Variants in CCDC81 observed in about 807,000 individuals in gnomAD.
CCDC81 encodes the protein coiled-coil domain-containing protein 81.
CCDC81 carries 79 observed loss-of-function variants against 83.7 expected under a neutral mutation model. That is an observed-to-expected ratio of 0.94 (90% CI 0.79 to 1.14). CCDC81 has a LOEUF of 1.14. Among genes scored for constraint, CCDC81 ranks in the 50% most tolerant of loss-of-function variants. The probability of loss-of-function intolerance (pLI) is 0.00; values close to 1 mark genes in which losing one functional copy is unlikely to be tolerated. For missense variants in CCDC81, 791 were observed against 778.1 expected, an observed-to-expected ratio of 1.02 and a Z score of -0.20; for synonymous variants, 252 against 278.1, an observed-to-expected ratio of 0.91 and a Z score of 0.93.
intron 7 of CCDC81, among the ~76,000 whole-genome samples, chr11:86,406,688 C>T (rs2138528671): frequency 6.6e-6 from 1 of 152,094 alleles, no homozygotes; most frequent in Non-Finnish European, 1.5e-5. Flanking sequence ...ACCTGTAATC[C>T]CAGCTACTCA....
intron 6 of CCDC81, among the ~76,000 whole-genome samples, chr11:86,398,727 C>A (rs1336761915): frequency 1.3e-5 from 2 of 152,058 alleles, no homozygotes; most frequent in Non-Finnish European, 2.9e-5. Flanking sequence ...CGCGCACCAC[C>A]ACGCCCAGCT....
Position 86,375,229 on chromosome 11 carries a change from G to A in CCDC81, c.66G>A (p.Ser22=). The change falls in exon 1 of 15, where the codon TCG becomes TCA. Residue 22 remains serine, a synonymous_variant. Coordinates refer to ENST00000445632, the MANE Select transcript of CCDC81 (RefSeq NM_001156474.2). ...GGCAGGTGCTGCCCACTCTGCCCTCGCTGAGCCAGGAGGGTAAGCGTGTTG... is the reference window on the plus strand; with the variant it reads ...GGCAGGTGCTGCCCACTCTGCCCTCACTGAGCCAGGAGGGTAAGCGTGTTG... ...LGRQVLPTLP[S]LSQEEVSIIW... 1 of 1,610,716 alleles carries A rather than the reference G, an allele frequency of 6.2e-7. No individual in the cohort carries two copies.
At chr11:86,398,549 A>G (rs954162496) in intron 6 of CCDC81, among the ~76,000 whole-genome samples, 14 of 151,472 alleles carry the variant, frequency 9.2e-5, no homozygotes, top group Non-Finnish European at 1.9e-4. Context: ...TTTTAACCAA[A>G]GACTTTTTAT....
rs533853169 is a variant in CCDC81, at chr11:86,421,131, A to T, written c.1817+1078A>T. ...TAGGCCAAGTGTGGACAGAGACTTG[A>T]GCACGCAGCAGTAGCAAGAAGGAAT... On this transcript the variant is annotated intron_variant, in intron 14 of 14. Transcript: ENST00000445632. 3.3e-5 allele frequency among the ~76,000 whole-genome samples: 5 copies of T among 152,280 alleles called. No homozygotes were observed. The South Asian group carries it at 1.0e-3, about 32-fold the overall frequency.
chr11:86,381,461 A>G (rs1948175798), intron 1 of CCDC81, among the ~76,000 whole-genome samples: 2 of 151,414 alleles, frequency 1.3e-5, no homozygotes, highest in Admixed American at 6.6e-5. Flanking sequence ...ATATGTGGGG[A>G]CCCTCCCTCC....
intron 1 of CCDC81, 125 bp from the exon 2 acceptor site, chr11:86,385,926 T>C (rs965330302): frequency 5.1e-6 from 2 of 395,108 alleles, no homozygotes; most frequent in Admixed American, 3.7e-5. Flanking sequence ...TAATTCTAAA[T>C]TAATCAGGAA....
chr11:86,408,159 AC>A lies in CCDC81; in HGVS notation c.1003del (p.Arg335GlufsTer15), dbSNP rs1211473422. 1.2e-6 allele frequency: 2 copies of A among 1,613,958 alleles called. No individual in the cohort carries two copies. The highest frequency in any genetic ancestry group is 1.7e-6 in the Non-Finnish European group (2 of 1,179,970). On this transcript the variant is annotated frameshift_variant, in exon 9 of 15. Transcript: ENST00000445632. LOFTEE classifies it high-confidence loss of function. ...GCTATGTATGTTTGCAACGAGCACA[AC>A]GAAATTCCCTGTTGTACTACAGTGA... ...MCYVCLQRAQRNSLLYYSEER... is the reference protein window; with the variant it reads ...MCYVCLQRAQXNSLLYYSEER...
rs1948302925 is a variant in CCDC81, at chr11:86,390,045, C to T, written c.298+2373C>T. Among the ~76,000 whole-genome samples the T allele has an allele frequency of 2.0e-5, 3 of 152,166 alleles. No homozygotes were observed. In the South Asian group the frequency reaches 6.2e-4, roughly 32 times the overall value. ...GCTTGAACCCCAGAGGCGGAGGTTGCAATGGGCTGAGATTGCGCCACTGCA... is the reference window on the plus strand; with the variant it reads ...GCTTGAACCCCAGAGGCGGAGGTTGTAATGGGCTGAGATTGCGCCACTGCA... On this transcript the variant is annotated intron_variant, in intron 3 of 14. Coordinates refer to ENST00000445632, the MANE Select transcript of CCDC81 (RefSeq NM_001156474.2).
At chr11:86,420,540 T>A (rs1354685851) in intron 14 of CCDC81, among the ~76,000 whole-genome samples, 1 of 152,226 alleles carries the variant, frequency 6.6e-6, no homozygotes, top group South Asian at 2.1e-4. Context: ...TTCACATCAC[T>A]ACTGTTGTAT....
chr11:86,394,296 A>G (rs941634137), intron 4 of CCDC81, among the ~76,000 whole-genome samples: 4 of 152,246 alleles, frequency 2.6e-5, no homozygotes, highest in Non-Finnish European at 4.4e-5. Context: ...CAAAAGAACT[A>G]GTCCTGAAAA....
intron 5 of CCDC81, among the ~76,000 whole-genome samples, chr11:86,396,175 A>G (rs922464974): frequency 2.6e-5 from 4 of 152,226 alleles, no homozygotes; most frequent in African/African-American, 9.6e-5. Context: ...CCATGAGCAC[A>G]GTGGTTGTTA....
chr11:86,422,668 C>A lies in CCDC81; in HGVS notation c.1912C>A (p.Leu638Met), dbSNP rs747899712. The A allele has an allele frequency of 6.2e-6, 10 of 1,614,184 alleles. No homozygotes were observed. The South Asian group carries it at 1.1e-4, about 18-fold the overall frequency. Reference protein sequence around the residue: ...RRTSNVGESNLWPLNKFLPGS... With the variant: ...RRTSNVGESNMWPLNKFLPGS... ...CACCTCCAACGTGGGCGAGAGCAAC[C>A]TGTGGCCCCTGAACAAGTTCCTGCC... The change falls in exon 15 of 15, where the codon CTG (leucine) becomes ATG (methionine). Residue 638 changes from leucine (L) to methionine (M), a missense_variant. Leu to Met is a conservative substitution (Grantham distance 15). Coordinates refer to ENST00000445632, the MANE Select transcript of CCDC81 (RefSeq NM_001156474.2).
intron 6 of CCDC81, among the ~76,000 whole-genome samples, chr11:86,398,862 C>T (rs989908490): frequency 6.6e-6 from 1 of 152,166 alleles, no homozygotes; most frequent in African/African-American, 2.4e-5. Flanking sequence ...TGGGAGCCAC[C>T]ACACGCAGCC....
In CCDC81 at chr11:86,374,914, G is replaced by A. The variant is rs1318659354; in HGVS notation, c.-250G>A. ...TCGGTGCCGGACATCAGTTCCTGCG[G>A]CTCTTGCTGTGGGAGCTGCCCGAGA... On this transcript the variant is annotated 5_prime_UTR_variant, in exon 1 of 15. Coordinates refer to ENST00000445632, the MANE Select transcript of CCDC81 (RefSeq NM_001156474.2). 1.7e-5 allele frequency: 8 copies of A among 468,658 alleles called. No individual in the cohort carries two copies. The highest frequency in any genetic ancestry group is 3.2e-5 in the Admixed American group (1 of 31,440). 29.0% of individuals were successfully genotyped at this position (468,658 alleles called of 1,614,324 possible).
At chr11:86,419,211 G>C (rs1714863461) in intron 13 of CCDC81, 1 of 152,226 alleles carries the variant, frequency 6.6e-6, no homozygotes, top group Admixed American at 6.5e-5. Context: ...AGTGAGAACT[G>C]ACAGCAAAGG....
Position 86,409,323 on chromosome 11 carries a change from T to C in CCDC81, c.1176T>C (p.Ala392=). 10 of 1,543,152 alleles carry C rather than the reference T, an allele frequency of 6.5e-6. No homozygotes were observed. Among genetic ancestry groups the C allele is most frequent in the Non-Finnish European group, 8.7e-6 (10 of 1,148,062 alleles). The change falls in exon 10 of 15, where the codon GCT becomes GCC. Residue 392 remains alanine, a synonymous_variant. Transcript: ENST00000445632. ...QKNAAYNLGV[A]EAIRNHKNEK... is the part of the protein sequence containing the mutation. ...ATGCTGCCTATAATCTTGGAGTTGC[T>C]GAAGCTATAAGAAACCACAAGAATG... is the stretch of plus-strand genomic sequence containing the variant.
intron 1 of CCDC81, among the ~76,000 whole-genome samples, chr11:86,376,946 C>T (rs1264633276): frequency 6.6e-6 from 1 of 152,114 alleles, no homozygotes; most frequent in Non-Finnish European, 1.5e-5. Flanking sequence ...GCCTATTCAC[C>T]CCTACCCCTA....
chr11:86,377,968 C>CTTGTTTTTTTT, intron 1 of CCDC81, among the ~76,000 whole-genome samples: 1 of 73,358 alleles, frequency 1.4e-5, no homozygotes, highest in Non-Finnish European at 2.4e-5. Context: ...TGCCTAGGTT[C>CTTGTTTTTTTT]TTTTTTTTTT....
chr11:86,419,855 A>C lies in CCDC81; in HGVS notation c.1692-73A>C, dbSNP rs985232335. On this transcript the variant is annotated intron_variant, in intron 13 of 14. Transcript: ENST00000445632. ...AGAAGGTTTTTTTTGTTTAACATAA[A>C]AGGAATGGGGCTCCCAAATTTGGTG... 10 of 1,494,628 alleles carry C rather than the reference A, an allele frequency of 6.7e-6. No homozygotes were observed. The Admixed American group carries it at 6.8e-5, about 10-fold the overall frequency. The allele number at this position is 1,494,628 out of a possible 1,614,324, so 92.6% of individuals were successfully genotyped here. A position where few individuals can be genotyped will look rare whatever the true frequency, so the allele number is the denominator to read the frequency against.
Sources: allele counts gnomAD v4.1 joint callset (sites outside exome capture counted in the v4.1 genomes callset), GRCh38; gene constraint gnomAD v4.1.1; transcripts MANE v1.5; gene names NCBI Gene and HGNC (gene_info 2026-07-23, HGNC 2026-07-21).